The following SRRM4 variants were observed in gnomAD, a reference collection of about 807,000 sequenced individuals.
The protein encoded by SRRM4 is serine/arginine repetitive matrix protein 4.
In SRRM4, 33 loss-of-function variants were observed where a neutral mutation model predicts 68.9. The observed-to-expected ratio is 0.48, with a 90% confidence interval of 0.36 to 0.64. The LOEUF (loss-of-function observed/expected upper bound fraction) is 0.64. SRRM4 is among the 30% of genes least tolerant of loss of function. The probability of loss-of-function intolerance (pLI) is 0.00; values close to 1 mark genes in which losing one functional copy is unlikely to be tolerated. For synonymous variants in SRRM4, 318 were observed against 318.8 expected (o/e 1.00, Z 0.03); for missense variants, 817 against 827.1 (o/e 0.99, Z 0.15).
chr12:119,074,273 A>G (rs950392560), intron 1 of SRRM4, among the ~76,000 whole-genome samples: 1 of 152,140 alleles, frequency 6.6e-6, no homozygotes, highest in South Asian at 2.1e-4. Flanking sequence ...CTTTACCCAC[A>G]TTATCTCATT....
At chr12:119,078,012 TAGGCATATCCAGCTG>T (rs1953926577) in intron 1 of SRRM4, among the ~76,000 whole-genome samples, 1 of 148,860 alleles carries the variant, frequency 6.7e-6, no homozygotes, top group Non-Finnish European at 1.5e-5. Context: ...CAAATGCATC[TAGGCATATCCAGCTG>T]AGGTCTTATT....
intron 1 of SRRM4, among the ~76,000 whole-genome samples, chr12:119,061,950 G>A (rs1208297189): frequency 6.6e-6 from 1 of 152,172 alleles, no homozygotes; most frequent in Non-Finnish European, 1.5e-5. Flanking sequence ...TAGATATGCA[G>A]TCATGCGTCA....
chr12:119,067,630 C>T (rs1297937022), intron 1 of SRRM4, among the ~76,000 whole-genome samples: 2 of 152,120 alleles, frequency 1.3e-5, no homozygotes, highest in Non-Finnish European at 2.9e-5. Context: ...ATCACTTGAA[C>T]CCGGGAGGTG....
At chr12:119,016,446 G>T (rs763164907) in intron 1 of SRRM4, among the ~76,000 whole-genome samples, 2 of 146,660 alleles carry the variant, frequency 1.4e-5, no homozygotes, top group Non-Finnish European at 3.0e-5. Flanking sequence ...AATTCAATAC[G>T]ATGTAATTAA....
intron 1 of SRRM4, among the ~76,000 whole-genome samples, chr12:119,049,590 G>T: frequency 6.6e-6 from 1 of 152,186 alleles, no homozygotes; most frequent in East Asian, 1.9e-4. Context: ...AATTTAATGA[G>T]ATAATGCATG....
chr12:119,118,744 C>T (rs1216429369), intron 4 of SRRM4, among the ~76,000 whole-genome samples: 1 of 152,154 alleles, frequency 6.6e-6, no homozygotes, highest in East Asian at 1.9e-4. Flanking sequence ...ACAACTTTCC[C>T]ATATTTGGGC....
At chr12:118,993,209 G>A (rs1186873683) in intron 1 of SRRM4, among the ~76,000 whole-genome samples, 1 of 152,116 alleles carries the variant, frequency 6.6e-6, no homozygotes, top group Non-Finnish European at 1.5e-5. Context: ...AAAGATTTCT[G>A]ACCCCAAAGA....
chr12:119,004,956 C>G (rs988582904), intron 1 of SRRM4, among the ~76,000 whole-genome samples: 5 of 150,574 alleles, frequency 3.3e-5, no homozygotes, highest in Non-Finnish European at 7.4e-5. Context: ...TCAGGGGCAC[C>G]CAACTGGTTC....
At chr12:119,043,985 A>G (rs1193132760) in intron 1 of SRRM4, among the ~76,000 whole-genome samples, 2 of 151,270 alleles carry the variant, frequency 1.3e-5, no homozygotes, top group Admixed American at 6.6e-5. Context: ...TCCTGCCTCA[A>G]CCTCCCAAGT....
chr12:119,141,640 T>C (rs1365435), intron 8 of SRRM4, among the ~76,000 whole-genome samples: 9,298 of 152,172 alleles, frequency 0.061, 695 homozygotes, highest in African/African-American at 0.18. Context: ...ACAGAGGCTT[T>C]CAAAGGACCG....
intron 1 of SRRM4, among the ~76,000 whole-genome samples, chr12:118,993,577 G>T (rs930161969): frequency 6.6e-6 from 1 of 152,174 alleles, no homozygotes; most frequent in Non-Finnish European, 1.5e-5. Context: ...ACTGCAGTGG[G>T]AAGAGTGCAT....
At chr12:119,045,323 CAT>C (rs1482390073) in intron 1 of SRRM4, among the ~76,000 whole-genome samples, 7 of 150,264 alleles carry the variant, frequency 4.7e-5, no homozygotes, top group East Asian at 2.0e-4. Context: ...GCCAGCAACA[CAT>C]GTCTTGTTCC....
chr12:119,026,143 T>C (rs556598493), intron 1 of SRRM4, among the ~76,000 whole-genome samples: 14 of 151,932 alleles, frequency 9.2e-5, no homozygotes, highest in Admixed American at 7.2e-4. Context: ...CTAGAGAGAA[T>C]GGAAAGCCAC....
chr12:119,143,286 G>C (rs1954378087), intron 8 of SRRM4, among the ~76,000 whole-genome samples: 1 of 152,324 alleles, frequency 6.6e-6, no homozygotes, highest in East Asian at 1.9e-4. Flanking sequence ...AGAAGTAGAA[G>C]TCCCCCCTCC....
intron 1 of SRRM4, among the ~76,000 whole-genome samples, chr12:119,088,436 C>T (rs542220189): frequency 6.6e-6 from 1 of 152,246 alleles, no homozygotes; most frequent in Admixed American, 6.5e-5. Flanking sequence ...GTTACTGAGC[C>T]TCCTTCAATA....
At chr12:119,045,696 G>A (rs1398097394) in intron 1 of SRRM4, among the ~76,000 whole-genome samples, 1 of 152,128 alleles carries the variant, frequency 6.6e-6, no homozygotes, top group Non-Finnish European at 1.5e-5. Flanking sequence ...CTAATGAGCT[G>A]TAATTCTGAA....
chr12:119,071,008 C>T (rs1396260984), intron 1 of SRRM4, among the ~76,000 whole-genome samples: 3 of 152,158 alleles, frequency 2.0e-5, no homozygotes, highest in African/African-American at 4.8e-5. Context: ...TGGGTATGAC[C>T]TCTCCCACGG....
intron 1 of SRRM4, among the ~76,000 whole-genome samples, chr12:119,062,559 T>C (rs1395518710): frequency 6.6e-6 from 1 of 152,244 alleles, no homozygotes; most frequent in East Asian, 1.9e-4. Flanking sequence ...CTAGCTTTTT[T>C]GATTAAAAAA....
At chr12:119,097,824 C>G (rs999339819) in intron 1 of SRRM4, among the ~76,000 whole-genome samples, 1 of 152,202 alleles carries the variant, frequency 6.6e-6, no homozygotes, top group African/African-American at 2.4e-5. Context: ...AGATAACTCA[C>G]GCCTCTACTC....
Sources: gnomAD v4.1 joint callset for allele counts (sites outside exome capture counted in the v4.1 genomes callset) on GRCh38, gnomAD v4.1.1 for gene constraint, MANE v1.5 for transcripts, NCBI Gene and HGNC (gene_info 2026-07-23, HGNC 2026-07-21) for gene names.